Variants in GRM5 observed in about 807,000 individuals in gnomAD.
GRM5 encodes metabotropic glutamate receptor 5.
In GRM5, 19 loss-of-function variants were observed where a neutral mutation model predicts 83.1. The ratio of observed to expected loss-of-function variants is 0.23; its 90% CI spans 0.16 to 0.34. The LOEUF is 0.34. Ranked by LOEUF, GRM5 falls within the 10% of genes least tolerant of loss-of-function variation. The pLI is 1.00. For missense variants in GRM5, 1,160 were observed against 1,588.3 expected, an observed-to-expected ratio of 0.73 and a Z score of 4.58; for synonymous variants, 675 against 633.6, an observed-to-expected ratio of 1.07 and a Z score of -0.98.
At chr11:89,009,825 C>T (rs1158423373) in intron 2 of GRM5, among the ~76,000 whole-genome samples, 2 of 130,354 alleles carry the variant, frequency 1.5e-5, no homozygotes, top group East Asian at 2.6e-4. Flanking sequence ...GGCGTGAACC[C>T]GGGAGGCGGA....
intron 2 of GRM5, among the ~76,000 whole-genome samples, chr11:88,926,940 TTAAC>T (rs1279113912): frequency 1.3e-5 from 2 of 152,184 alleles, no homozygotes; most frequent in African/African-American, 4.8e-5. Flanking sequence ...TTTCAACTAT[TTAAC>T]TAACAGTTAA....
In GRM5 at chr11:88,590,664, C is replaced by T. The variant is rs1937622575; in HGVS notation, c.1627G>A (p.Val543Ile). 1 of 1,608,206 alleles carries T rather than the reference C, an allele frequency of 6.2e-7. No homozygotes were observed. Residue 543 changes from valine (V) to isoleucine (I), a missense_variant, in exon 7 of 10, where the codon GTC becomes ATC. Around this residue, in one of 9 missense-constraint regions of GRM5, gnomAD observed 132 missense variants for 245.5 expected, o/e 0.54. Coordinates refer to ENST00000305447, the MANE Select transcript of GRM5 (RefSeq NM_001143831.3). ...TCTPCKENEY[V>I]FDEYTCKACQ... ...GCCTTGCATGTGTACTCATCAAAGA[C>T]ATACTCATTCTCCTTACAAGGTGTA...
At chr11:88,952,218 C>T (rs983750788) in intron 2 of GRM5, among the ~76,000 whole-genome samples, 3 of 152,168 alleles carry the variant, frequency 2.0e-5, no homozygotes, top group East Asian at 1.9e-4. Flanking sequence ...TCCTGGGATA[C>T]CCAGTCTCTG....
At chr11:88,523,153 C>CA (rs1188355304) in intron 9 of GRM5, among the ~76,000 whole-genome samples, 1 of 152,192 alleles carries the variant, frequency 6.6e-6, no homozygotes, top group African/African-American at 2.4e-5. Flanking sequence ...TTGCCACAAA[C>CA]AGCTCCATGT....
At chr11:88,921,915 A>G (rs1047387974) in intron 2 of GRM5, among the ~76,000 whole-genome samples, 5 of 129,716 alleles carry the variant, frequency 3.9e-5, no homozygotes, top group Admixed American at 2.2e-4. Context: ...CCAAATAAAA[A>G]TACAAAAAAA....
At chr11:88,855,076 G>T (rs1038399219) in intron 2 of GRM5, among the ~76,000 whole-genome samples, 1 of 151,648 alleles carries the variant, frequency 6.6e-6, no homozygotes, top group Admixed American at 6.6e-5. Flanking sequence ...TATCAATCTC[G>T]TGTGGTAGGG....
chr11:88,635,257 CA>C (rs1591398096), intron 4 of GRM5, among the ~76,000 whole-genome samples: 1 of 152,086 alleles, frequency 6.6e-6, no homozygotes, highest in Admixed American at 6.6e-5. Flanking sequence ...TCCTATTTTC[CA>C]TAATGGTTGT....
At chr11:88,625,665 G>T (rs1224943809) in intron 4 of GRM5, among the ~76,000 whole-genome samples, 1 of 152,104 alleles carries the variant, frequency 6.6e-6, no homozygotes, top group Non-Finnish European at 1.5e-5. Context: ...AGAACTACCT[G>T]TTGGCTACTG....
At chr11:88,661,418 T>A (rs552926151) in intron 3 of GRM5, among the ~76,000 whole-genome samples, 1 of 152,306 alleles carries the variant, frequency 6.6e-6, no homozygotes, top group South Asian at 2.1e-4. Flanking sequence ...TACCTGATGT[T>A]ATTAAGGTTA....
rs186383490 is a variant in GRM5, at chr11:88,897,025, C to A, written c.662-46870G>T. 4.6e-5 allele frequency among the ~76,000 whole-genome samples: 7 copies of A among 151,868 alleles called. No individual in the cohort carries two copies. The East Asian group carries it at 1.4e-3, about 29-fold the overall frequency. On this transcript the variant is annotated intron_variant, in intron 2 of 9. Transcript: ENST00000305447. ...GACCCTGAACTCCAGGACAAAATACCCTAATCAAACGAACTGCCCAACTAG... is the reference window on the plus strand; with the variant it reads ...GACCCTGAACTCCAGGACAAAATACACTAATCAAACGAACTGCCCAACTAG...
intron 1 of GRM5, among the ~76,000 whole-genome samples, chr11:89,050,394 G>A (rs1457061000): frequency 3.3e-5 from 5 of 152,150 alleles, no homozygotes; most frequent in Non-Finnish European, 7.4e-5. Context: ...GAATATTCAA[G>A]TATGAGCAAA....
chr11:88,839,056 T>G (rs2135528464), intron 3 of GRM5, among the ~76,000 whole-genome samples: 1 of 152,322 alleles, frequency 6.6e-6, no homozygotes, highest in South Asian at 2.1e-4. Context: ...CTCAGTTGGT[T>G]TCCTCCACCT....
chr11:89,001,695 A>G (rs1940387183), intron 2 of GRM5, among the ~76,000 whole-genome samples: 1 of 152,124 alleles, frequency 6.6e-6, no homozygotes, highest in Non-Finnish European at 1.5e-5. Context: ...TTGAGGAAAA[A>G]CTGGTAAAGA....
intron 2 of GRM5, among the ~76,000 whole-genome samples, chr11:89,008,640 G>A (rs1320447028): frequency 3.3e-5 from 5 of 152,088 alleles, no homozygotes; most frequent in African/African-American, 4.8e-5. Context: ...GTAAGGTTAA[G>A]TTCTCCAGTA....
At chr11:88,947,255 T>C (rs1436704150) in intron 2 of GRM5, among the ~76,000 whole-genome samples, 1 of 152,160 alleles carries the variant, frequency 6.6e-6, no homozygotes, top group Admixed American at 6.6e-5. Flanking sequence ...TGTTCTTGCA[T>C]GTTAATGTTT....
At chr11:88,992,929 T>C (rs1310686113) in intron 2 of GRM5, among the ~76,000 whole-genome samples, 2 of 151,848 alleles carry the variant, frequency 1.3e-5, no homozygotes, top group African/African-American at 2.4e-5. Flanking sequence ...GACGAGTTAA[T>C]GGGTGTAGCA....
At chr11:88,550,714 A>G (rs1331233414) in intron 8 of GRM5, among the ~76,000 whole-genome samples, 1 of 152,202 alleles carries the variant, frequency 6.6e-6, no homozygotes, top group East Asian at 1.9e-4. Flanking sequence ...CAGTTTATCA[A>G]GAGGCTTAAA....
At chr11:88,773,980 T>C (rs957202822) in intron 3 of GRM5, among the ~76,000 whole-genome samples, 13 of 152,204 alleles carry the variant, frequency 8.5e-5, no homozygotes, top group African/African-American at 3.1e-4. Flanking sequence ...TTCTTCCAAT[T>C]CTGTGAAGAA....
At chr11:89,002,561 A>T (rs931422749) in intron 2 of GRM5, among the ~76,000 whole-genome samples, 1 of 152,132 alleles carries the variant, frequency 6.6e-6, no homozygotes, top group African/African-American at 2.4e-5. Flanking sequence ...TCATTTATTC[A>T]TCTACTAAAT....
Sources: gnomAD v4.1 joint callset for allele counts (sites outside exome capture counted in the v4.1 genomes callset) on GRCh38, gnomAD v4.1.1 for gene constraint, gnomAD v4.1.1 regional missense constraint, MANE v1.5 for transcripts, NCBI Gene and HGNC (gene_info 2026-07-23, HGNC 2026-07-21) for gene names.